FAM185A: variants seen among roughly 807,000 people sequenced by gnomAD.
FAM185A encodes the protein protein FAM185A.
A neutral mutation model predicts 45.7 loss-of-function variants in FAM185A; 21 were observed. The observed-to-expected ratio is 0.46, with a 90% CI of 0.33 to 0.66. The LOEUF (loss-of-function observed/expected upper bound fraction) is 0.66. Among genes scored for constraint, FAM185A ranks in the 30% least tolerant of loss-of-function variants. The pLI is 0.03. For missense variants in FAM185A, 305 were observed against 485.4 expected (o/e 0.63, Z 3.49); for synonymous variants, 117 against 194.0 (o/e 0.60, Z 3.30).
At chr7:102,791,296 AAAC>A (rs201907413) in intron 7 of FAM185A, among the ~76,000 whole-genome samples, 2,418 of 151,912 alleles carry the variant, frequency 0.016, 26 homozygotes, top group African/African-American at 0.055. Context: ...AAGGAGAAAA[AAAC>A]AACTTTTGCT....
At chr7:102,806,609 T>C (rs10257317) in intron 7 of FAM185A, among the ~76,000 whole-genome samples, 68,853 of 152,044 alleles carry the variant, frequency 0.45, 17,326 homozygotes, top group African/African-American at 0.68. Context: ...CCACAGGCCC[T>C]TACAAGCGGT....
At chr7:102,830,263 A>G in the FAM185A span, among the ~76,000 whole-genome samples, 2 of 152,196 alleles carry the variant, frequency 1.3e-5, no homozygotes. Flanking sequence ...TTTGCACTGG[A>G]GCCTTTTCTT....
At chr7:102,787,569 T>C (rs1795884614) in intron 7 of FAM185A, 100 bp downstream of exon 7, 1 of 1,265,028 alleles carries the variant, frequency 7.9e-7, no homozygotes, top group Non-Finnish European at 1.0e-6. Context: ...TTTTATATTT[T>C]TCCATTATTA....
Position 102,758,426 on chromosome 7 carries a change from GCTTTTTTTTTTT to G in FAM185A, c.654+481_654+492del, listed in dbSNP as rs1378706713. Among the ~76,000 whole-genome samples the G allele has an allele frequency of 1.1e-3, 106 of 95,894 alleles. 1 individual carries two copies. The highest frequency in any genetic ancestry group is 1.4e-3 in the Non-Finnish European group (67 of 49,544). 62.9% of individuals were successfully genotyped at this position (95,894 alleles called of 152,430 possible). A position where few individuals can be genotyped will look rare whatever the true frequency, so the allele number is the denominator to read the frequency against. ...ATTAGATAGCTTTACTGCTCTCACA[GCTTTTTTTTTTT>G]TTTTTTTTTTTTTTTTTTTTTATAG... On this transcript the variant is annotated intron_variant, in intron 3 of 7. Coordinates refer to ENST00000413034, the MANE Select transcript of FAM185A (RefSeq NM_001145268.2).
chr7:102,811,633 A>G (rs1797444201), downstream of FAM185A, among the ~76,000 whole-genome samples: 2 of 152,252 alleles, frequency 1.3e-5, no homozygotes, highest in African/African-American at 4.8e-5. Flanking sequence ...TAACCAGTGC[A>G]GGTGTCATTC....
At chr7:102,759,305 TTCCTC>T (rs969567986) in intron 3 of FAM185A, among the ~76,000 whole-genome samples, 1 of 152,106 alleles carries the variant, frequency 6.6e-6, no homozygotes, top group African/African-American at 2.4e-5. Flanking sequence ...TGGCCACTGT[TTCCTC>T]TCAGTTATTT....
chr7:102,813,311 A>AT, downstream of FAM185A: 1 of 1,564,192 alleles, frequency 6.4e-7, no homozygotes, highest in Non-Finnish European at 8.6e-7. Flanking sequence ...CAAGTTCTTG[A>AT]TTTTTTGTTC....
At chr7:102,835,380 G>A in the FAM185A span, among the ~76,000 whole-genome samples, 2 of 152,088 alleles carry the variant, frequency 1.3e-5, no homozygotes, top group Admixed American at 1.3e-4. Context: ...TGGAATCAGT[G>A]GCCTGGAATC....
At chr7:102,829,057 A>G in the FAM185A span, among the ~76,000 whole-genome samples, 1 of 152,336 alleles carries the variant, frequency 6.6e-6, no homozygotes, top group Non-Finnish European at 1.5e-5. Context: ...CCCTAGAAAC[A>G]GGACATCTTT....
At chr7:102,834,032 TGAAGGAAGGAAGGAAGGAAG>T in the FAM185A span, among the ~76,000 whole-genome samples, 43 of 75,466 alleles carry the variant, frequency 5.7e-4, no homozygotes, top group African/African-American at 2.0e-3. Flanking sequence ...GAAACCATGA[TGAAGGAAGGAAGGAAGGAAG>T]GAAGGAAGGA....
At chr7:102,829,147 C>A in the FAM185A span, among the ~76,000 whole-genome samples, 1 of 152,164 alleles carries the variant, frequency 6.6e-6, no homozygotes, top group Non-Finnish European at 1.5e-5. Context: ...CCCTCAGCTG[C>A]GGTGCAAGTG....
intron 6 of FAM185A, among the ~76,000 whole-genome samples, chr7:102,780,413 T>C (rs1170701709): frequency 3.3e-5 from 5 of 152,248 alleles, no homozygotes; most frequent in African/African-American, 1.2e-4. Flanking sequence ...CTTTAGAAGG[T>C]TGAATTACAG....
At chr7:102,848,370 C>A in the FAM185A span, among the ~76,000 whole-genome samples, 220 of 53,990 alleles carry the variant, frequency 4.1e-3, 24 homozygotes, top group Middle Eastern at 8.5e-3. Context: ...TCCTGGCTAA[C>A]ACGGTGAAAC....
intron 2 of FAM185A, among the ~76,000 whole-genome samples, chr7:102,754,808 C>A (rs1459688517): frequency 6.6e-6 from 1 of 152,234 alleles, no homozygotes; most frequent in South Asian, 2.1e-4. Context: ...GGCAACAGAC[C>A]CTTAACTAAT....
At chr7:102,837,118 A>G in the FAM185A span, among the ~76,000 whole-genome samples, 1 of 152,244 alleles carries the variant, frequency 6.6e-6, no homozygotes, top group Admixed American at 6.5e-5. Context: ...CAAGATATCT[A>G]CTTCGCATAT....
intron 7 of FAM185A, among the ~76,000 whole-genome samples, chr7:102,805,548 G>T (rs757327338): frequency 1.3e-4 from 19 of 151,756 alleles, no homozygotes; most frequent in Non-Finnish European, 2.5e-4. Context: ...TGGGAGGGGG[G>T]TGAGGGATAA....
rs149972146 is a variant in FAM185A, at chr7:102,787,998, T to A, written c.1066+529T>A. Among the ~76,000 whole-genome samples, 330 of 152,302 alleles carry A rather than the reference T, an allele frequency of 2.2e-3. 10 individuals are homozygous for A. The East Asian group carries it at 0.047, about 22-fold the overall frequency. On this transcript the variant is annotated intron_variant, in intron 7 of 7. Coordinates refer to ENST00000413034, the MANE Select transcript of FAM185A (RefSeq NM_001145268.2). ...TTTGTTGTTTGAGACAGAGTCTTAC[T>A]CTATTGCCCATACTGGAGTGCAGTG...
chr7:102,807,209 G>C (rs1035455702), intron 7 of FAM185A, among the ~76,000 whole-genome samples: 12 of 152,032 alleles, frequency 7.9e-5, no homozygotes, highest in African/African-American at 2.4e-4. Flanking sequence ...TGACAGGAAG[G>C]GAGGGGCATG....
At chr7:102,832,896 C>T in the FAM185A span, 1 of 1,614,214 alleles carries the variant, frequency 6.2e-7, no homozygotes, top group Non-Finnish European at 8.5e-7. Flanking sequence ...ATGGCCAGTG[C>T]TTTGATAATC....
Sources: gnomAD v4.1 joint callset for allele counts (sites outside exome capture counted in the v4.1 genomes callset) on GRCh38, gnomAD v4.1.1 for gene constraint, MANE v1.5 for transcripts, NCBI Gene and HGNC (gene_info 2026-07-23, HGNC 2026-07-21) for gene names.